Variants in AKT3 observed in about 807,000 individuals in gnomAD.
AKT3 encodes RAC-gamma serine/threonine-protein kinase.
Under a neutral mutation model 65.3 loss-of-function variants are expected in AKT3, and 15 were observed. The observed-to-expected ratio is 0.23, with a 90% CI of 0.15 to 0.35. AKT3 has a LOEUF of 0.35. AKT3 is among the 10% of genes least tolerant of loss of function. AKT3 has a pLI of 1.00. For synonymous variants in AKT3, 206 were observed against 183.8 expected, an observed-to-expected ratio of 1.12 and a Z score of -0.98; for missense variants, 243 against 576.5, an observed-to-expected ratio of 0.42 and a Z score of 5.92.
intron 3 of AKT3, among the ~76,000 whole-genome samples, chr1:243,675,319 C>G (rs1226067570): frequency 6.6e-6 from 1 of 152,174 alleles, no homozygotes; most frequent in Admixed American, 6.5e-5. Context: ...CCTGCCTCAG[C>G]CTCCTGAGTA....
chr1:243,847,829 AAATT>A (rs1342003499), intron 1 of AKT3, among the ~76,000 whole-genome samples: 3 of 152,168 alleles, frequency 2.0e-5, no homozygotes, highest in Admixed American at 2.0e-4. Context: ...TACAGCTATG[AAATT>A]AATTTTTAAA....
At chr1:243,605,845 C>A (rs1677365015) in intron 8 of AKT3, among the ~76,000 whole-genome samples, 1 of 152,120 alleles carries the variant, frequency 6.6e-6, no homozygotes. Flanking sequence ...AACTGTAGTT[C>A]CCATAATCCC....
At chr1:243,642,491 A>G (rs558271590) in intron 5 of AKT3, among the ~76,000 whole-genome samples, 22 of 152,226 alleles carry the variant, frequency 1.4e-4, no homozygotes, top group Admixed American at 1.0e-3. Context: ...TTGTATTTTT[A>G]GTAGAGACGG....
At chr1:243,557,819 C>T (rs1673508335) in intron 10 of AKT3, among the ~76,000 whole-genome samples, 1 of 151,808 alleles carries the variant, frequency 6.6e-6, no homozygotes, top group Non-Finnish European at 1.5e-5. Flanking sequence ...CAAAATTACC[C>T]CAGGTGGAGA....
rs993323556 is a variant in AKT3, at chr1:243,567,487, C to CT, written c.820-3640dup. Among the ~76,000 whole-genome samples, 1,155 of 122,288 alleles carry CT rather than the reference C, an allele frequency of 9.4e-3. 18 individuals are homozygous for CT. Among genetic ancestry groups the CT allele is most frequent in the African/African-American group, 0.015 (470 of 31,754 alleles). 80.2% of individuals were successfully genotyped at this position (122,288 alleles called of 152,430 possible). On this transcript the variant is annotated intron_variant, in intron 9 of 13. Transcript: ENST00000673466. Reference sequence around the variant, plus strand: ...CCTGCTAGTTTTTGTTTGTTTCTTCCTTTTTTTTTTTTTTTTTTTTTTTAA... The same window carrying CT: ...CCTGCTAGTTTTTGTTTGTTTCTTCCTTTTTTTTTTTTTTTTTTTTTTTTAA...
chr1:243,770,067 C>A (rs1191956650), intron 2 of AKT3, among the ~76,000 whole-genome samples: 1 of 152,172 alleles, frequency 6.6e-6, no homozygotes, highest in Non-Finnish European at 1.5e-5. Context: ...GAAGACTATT[C>A]TTCCACACTG....
At chr1:243,823,136 A>C (rs753619193) in intron 2 of AKT3, among the ~76,000 whole-genome samples, 6 of 152,182 alleles carry the variant, frequency 3.9e-5, no homozygotes, top group Non-Finnish European at 8.8e-5. Flanking sequence ...TATGCAAATT[A>C]ATAAACATAA....
rs548439481 is a variant in AKT3 at position 243,520,693 on chromosome 1, A to C, written c.1252-8267T>G. Among the ~76,000 whole-genome samples, 192 of 152,336 alleles carry C rather than the reference A, an allele frequency of 1.3e-3. 1 individual carries two copies. The highest frequency in any genetic ancestry group is 4.4e-3 in the African/African-American group (183 of 41,578). Reference sequence around the variant, plus strand: ...GAAACAAATCTTTATTTGAAAACCAATTTGCTTTCAGAAAATGTAGTATTC... The same window carrying C: ...GAAACAAATCTTTATTTGAAAACCACTTTGCTTTCAGAAAATGTAGTATTC... On this transcript the variant is annotated intron_variant, in intron 12 of 13. Coordinates refer to ENST00000673466, the MANE Select transcript of AKT3 (RefSeq NM_005465.7).
intron 2 of AKT3, among the ~76,000 whole-genome samples, chr1:243,833,235 G>C (rs1195222759): frequency 1.3e-5 from 2 of 152,124 alleles, no homozygotes; most frequent in Non-Finnish European, 2.9e-5. Context: ...CTGGGTGATA[G>C]AGCAAGACTC....
At chr1:243,527,850 A>G (rs1358026698) in intron 12 of AKT3, among the ~76,000 whole-genome samples, 1 of 143,200 alleles carries the variant, frequency 7.0e-6, no homozygotes, top group African/African-American at 2.8e-5. Flanking sequence ...TGGGCATTAC[A>G]GCAAGACTCC....
chr1:243,522,657 G>T (rs1458886934), intron 12 of AKT3, among the ~76,000 whole-genome samples: 1 of 151,850 alleles, frequency 6.6e-6, no homozygotes, highest in African/African-American at 2.4e-5. Context: ...AAAAAGAAAA[G>T]AAAAGAAAAA....
intron 2 of AKT3, among the ~76,000 whole-genome samples, chr1:243,729,323 GA>G (rs1406184556): frequency 6.6e-6 from 1 of 152,158 alleles, no homozygotes; most frequent in Non-Finnish European, 1.5e-5. Context: ...ATAAAGCAGA[GA>G]GGGAGAGACT....
intron 2 of AKT3, among the ~76,000 whole-genome samples, chr1:243,743,941 T>C (rs1688320963): frequency 1.3e-5 from 2 of 152,202 alleles, no homozygotes; most frequent in African/African-American, 4.8e-5. Context: ...AAGGAAAGCA[T>C]CTAGCAGCAT....
intron 4 of AKT3, among the ~76,000 whole-genome samples, chr1:243,655,565 T>C (rs1169723179): frequency 1.3e-5 from 2 of 152,132 alleles, no homozygotes; most frequent in Non-Finnish European, 2.9e-5. Flanking sequence ...TAGGAAGATA[T>C]AATCTTCTGT....
At chr1:243,575,829 T>C (rs1052657439) in intron 8 of AKT3, among the ~76,000 whole-genome samples, 2 of 152,106 alleles carry the variant, frequency 1.3e-5, no homozygotes, top group Non-Finnish European at 2.9e-5. Context: ...CTGCACATAG[T>C]AGGTGATTAA....
At chr1:243,588,936 C>T (rs957074017) in intron 8 of AKT3, among the ~76,000 whole-genome samples, 1 of 152,068 alleles carries the variant, frequency 6.6e-6, no homozygotes, top group Non-Finnish European at 1.5e-5. Flanking sequence ...AGAAAACAAT[C>T]AACAGAGTCA....
intron 3 of AKT3, among the ~76,000 whole-genome samples, chr1:243,673,214 T>G (rs1049387760): frequency 6.6e-6 from 1 of 152,260 alleles, no homozygotes; most frequent in Admixed American, 6.5e-5. Flanking sequence ...AACATATTTC[T>G]TGATTTACTT....
At chr1:243,506,339 TTTCTC>T (rs1669666514) in intron 13 of AKT3, among the ~76,000 whole-genome samples, 1 of 152,228 alleles carries the variant, frequency 6.6e-6, no homozygotes, top group African/African-American at 2.4e-5. Context: ...ACTCAACCCT[TTTCTC>T]TTCAAGCAAA....
chr1:243,713,455 T>C (rs991157837), intron 2 of AKT3, among the ~76,000 whole-genome samples: 1 of 152,156 alleles, frequency 6.6e-6, no homozygotes, highest in Non-Finnish European at 1.5e-5. Flanking sequence ...TCATTCTGTA[T>C]ATGCACAAAC....
Sources: gnomAD v4.1 joint callset for allele counts (sites outside exome capture counted in the v4.1 genomes callset) on GRCh38, gnomAD v4.1.1 for gene constraint, MANE v1.5 for transcripts, NCBI Gene and HGNC (gene_info 2026-07-23, HGNC 2026-07-21) for gene names.